The following C6orf89 variants were observed in gnomAD, a reference collection of about 807,000 sequenced individuals.
The protein encoded by C6orf89 is bombesin receptor-activated protein C6orf89.
A neutral mutation model predicts 40.7 loss-of-function variants in C6orf89; 29 were observed. That is an observed-to-expected ratio of 0.71 (90% CI 0.53 to 0.97). The LOEUF is 0.97. C6orf89 is among the 50% of genes least tolerant of loss of function. The pLI, the probability that C6orf89 is intolerant of heterozygous loss-of-function variation, is 0.00. For missense variants in C6orf89, 392 were observed against 429.1 expected (o/e 0.91, Z 0.76); for synonymous variants, 165 against 152.2 (o/e 1.08, Z -0.62).
At chr6:36,919,091 G>C (rs1302414626) in intron 7 of C6orf89, among the ~76,000 whole-genome samples, 1 of 152,162 alleles carries the variant, frequency 6.6e-6, no homozygotes, top group African/African-American at 2.4e-5. Flanking sequence ...GTGCCCAAAG[G>C]ATATGCTGAT....
intron 4 of C6orf89, among the ~76,000 whole-genome samples, chr6:36,908,101 C>T (rs1761990428): frequency 6.6e-6 from 1 of 152,224 alleles, no homozygotes; most frequent in Non-Finnish European, 1.5e-5. Flanking sequence ...TTGCCCGTTC[C>T]TCTCTCTAAG....
At chr6:36,885,873 G>C, upstream of C6orf89, 1 of 579,228 alleles carries the variant, frequency 1.7e-6, no homozygotes, top group Non-Finnish European at 2.6e-6. Flanking sequence ...GGAAGCGCTG[G>C]ACGAGAGGAG....
Position 36,924,659 on chromosome 6 carries a change from TTC to T in C6orf89, c.*1224_*1225del, listed in dbSNP as rs1491551942. 6.6e-6 allele frequency: 1 copy of T among 152,228 alleles called. No homozygotes were observed. Among genetic ancestry groups the T allele is most frequent in the Non-Finnish European group, 1.5e-5 (1 of 68,046 alleles). The allele number at this position is 152,228 out of a possible 1,614,324, so 9.4% of individuals were successfully genotyped here. Reference sequence around the variant, plus strand: ...TTCTTTTCCTGTTCCTTTTATTTTTTTCTCTCTTTATTATTCTTTTATTGACA... The same window carrying T: ...TTCTTTTCCTGTTCCTTTTATTTTTTTCTCTTTATTATTCTTTTATTGACA... On this transcript the variant is annotated 3_prime_UTR_variant, in exon 9 of 9. Coordinates refer to ENST00000480824, the MANE Select transcript of C6orf89 (RefSeq NM_001286635.2).
At chr6:36,876,907 A>G (rs969980688) in intron 1 of C6orf89, among the ~76,000 whole-genome samples, 1 of 152,146 alleles carries the variant, frequency 6.6e-6, no homozygotes, top group African/African-American at 2.4e-5. Flanking sequence ...AAATCAAGAA[A>G]TAAAATGTCT....
intron 4 of C6orf89, among the ~76,000 whole-genome samples, chr6:36,909,555 AT>A (rs796275805): frequency 6.6e-6 from 1 of 151,960 alleles, no homozygotes; most frequent in Non-Finnish European, 1.5e-5. Context: ...CCTTGTTCAT[AT>A]TTTTTCCCCA....
chr6:36,897,307 C>T (rs1418313747), intron 2 of C6orf89, among the ~76,000 whole-genome samples: 1 of 152,088 alleles, frequency 6.6e-6, no homozygotes, highest in Non-Finnish European at 1.5e-5. Flanking sequence ...CAAATCCTTG[C>T]ATATTCAAGT....
intron 1 of C6orf89, among the ~76,000 whole-genome samples, chr6:36,889,377 G>C (rs1775110148): frequency 6.6e-6 from 1 of 152,332 alleles, no homozygotes; most frequent in African/African-American, 2.4e-5. Context: ...AAGAAAGTGT[G>C]TTACTTTCTC....
chr6:36,872,661 G>T (rs1335239670), intron 1 of C6orf89, among the ~76,000 whole-genome samples: 1 of 151,928 alleles, frequency 6.6e-6, no homozygotes, highest in Non-Finnish European at 1.5e-5. Context: ...AGGTTACAGT[G>T]CAGTGGCACA....
chr6:36,871,969 T>A lies in C6orf89; in HGVS notation c.-628+2T>A. 1 of 1,160,766 alleles carries A rather than the reference T, an allele frequency of 8.6e-7. No homozygotes were observed. 71.9% of individuals were successfully genotyped at this position (1,160,766 alleles called of 1,614,324 possible). On this transcript the variant is annotated splice_donor_variant, in intron 1 of 9. Coordinates refer to the C6orf89 transcript ENST00000359359. LOFTEE classifies it low-confidence loss of function (5UTR_SPLICE). ...CCAGGACTCTTGATTTTCAAGCTTG[T>A]AAGTCATGAAATTGTGATAACCACT...
intron 3 of C6orf89, among the ~76,000 whole-genome samples, chr6:36,900,285 T>C (rs952427224): frequency 6.6e-6 from 1 of 151,070 alleles, no homozygotes; most frequent in African/African-American, 2.4e-5. Flanking sequence ...CACTGCAACC[T>C]CCGCCTCCCA....
At chr6:36,892,531 A>G (rs1011626300) in intron 1 of C6orf89, among the ~76,000 whole-genome samples, 7 of 152,132 alleles carry the variant, frequency 4.6e-5, no homozygotes, top group African/African-American at 1.7e-4. Context: ...ATAATCAAAA[A>G]TGTCTTCAGA....
intron 2 of C6orf89, among the ~76,000 whole-genome samples, chr6:36,897,116 C>CAA (rs1195586170): frequency 9.2e-6 from 1 of 109,260 alleles, no homozygotes; most frequent in Non-Finnish European, 1.7e-5. Context: ...GCAACCAGAG[C>CAA]AAGACTCTGT....
chr6:36,891,330 T>G (rs1009797824), intron 1 of C6orf89, among the ~76,000 whole-genome samples: 1 of 152,232 alleles, frequency 6.6e-6, no homozygotes, highest in Admixed American at 6.5e-5. Flanking sequence ...AACTCATCCT[T>G]TTTTGTGGCT....
chr6:36,886,096 C>T, intron 1 of C6orf89, 68 bp downstream of exon 1: 1 of 1,209,494 alleles, frequency 8.3e-7, no homozygotes. Context: ...GCGCCCGTCT[C>T]TGACATCCTC....
chr6:36,907,091 A>G (rs1456312749), intron 4 of C6orf89, among the ~76,000 whole-genome samples: 1 of 151,272 alleles, frequency 6.6e-6, no homozygotes, highest in Non-Finnish European at 1.5e-5. Flanking sequence ...CCTCTCCCCA[A>G]CTTCATTCAC....
At chr6:36,912,640 C>T (rs953952302) in intron 4 of C6orf89, among the ~76,000 whole-genome samples, 1 of 152,178 alleles carries the variant, frequency 6.6e-6, no homozygotes. Flanking sequence ...GGAGGAGAGG[C>T]GCCCTCCCAG....
chr6:36,910,332 A>AAAGGGT, intron 4 of C6orf89, among the ~76,000 whole-genome samples: 1 of 152,250 alleles, frequency 6.6e-6, no homozygotes, highest in African/African-American at 2.4e-5. Context: ...GTATATGGTG[A>AAAGGGT]AAGGGTAGGA....
At position 36,916,509 on chromosome 6, in the gene C6orf89, T is replaced by G; in HGVS notation, c.760T>G (p.Phe254Val). The change falls in exon 7 of 9, where the codon TTT (phenylalanine) becomes GTT (valine). Residue 254 changes from phenylalanine to valine, a missense_variant. Phe to Val is a conservative substitution (Grantham distance 50). Coordinates refer to ENST00000480824, the MANE Select transcript of C6orf89 (RefSeq NM_001286635.2). ...ELFPVFTHLPFPKDASLNKCS... is the reference protein window; with the variant it reads ...ELFPVFTHLPVPKDASLNKCS... Reference sequence around the variant, plus strand: ...TTTTCCTGTTTTCACTCACCTGCCATTTCCAAAAGATGCCTCTTTAAACAA... The same window carrying G: ...TTTTCCTGTTTTCACTCACCTGCCAGTTCCAAAAGATGCCTCTTTAAACAA... The G allele has an allele frequency of 2.5e-6, 4 of 1,614,216 alleles. No individual in the cohort carries two copies. The highest frequency in any genetic ancestry group is 3.4e-6 in the Non-Finnish European group (4 of 1,180,022).
At chr6:36,907,560 T>C (rs1313882906) in intron 4 of C6orf89, among the ~76,000 whole-genome samples, 9 of 152,194 alleles carry the variant, frequency 5.9e-5, no homozygotes, top group Non-Finnish European at 1.3e-4. Flanking sequence ...TGAGAGACTG[T>C]TTTTGACATC....
Sources: allele counts gnomAD v4.1 joint callset (sites outside exome capture counted in the v4.1 genomes callset), GRCh38; gene constraint gnomAD v4.1.1; transcripts MANE v1.5; gene names NCBI Gene and HGNC (gene_info 2026-07-23, HGNC 2026-07-21).